NIPBL: variants seen among roughly 807,000 people sequenced by gnomAD.
NIPBL encodes the protein NIPBL cohesin loading factor.
A neutral mutation model predicts 321.8 loss-of-function variants in NIPBL; 19 were observed. The observed-to-expected ratio is 0.06, with a 90% confidence interval of 0.04 to 0.09. NIPBL has a LOEUF of 0.09. NIPBL is among the 10% of genes least tolerant of loss of function. The probability of loss-of-function intolerance (pLI) is 1.00; values close to 1 mark genes in which losing one functional copy is unlikely to be tolerated. For synonymous variants in NIPBL, 1,106 were observed against 1,114.1 expected (o/e 0.99, Z 0.14); for missense variants, 2,210 against 3,327.0 (o/e 0.66, Z 8.26).
intron 15 of NIPBL, 115 bp from the exon 16 acceptor site, chr5:37,003,146 G>A (rs1018912631): frequency 2.9e-6 from 2 of 690,214 alleles, no homozygotes; most frequent in African/African-American, 3.6e-5. Flanking sequence ...TACTCTTTAA[G>A]AGGGTGACAA....
At chr5:36,880,784 G>C (rs1389489385) in intron 1 of NIPBL, among the ~76,000 whole-genome samples, 4 of 151,936 alleles carry the variant, frequency 2.6e-5, no homozygotes, top group Non-Finnish European at 1.5e-5. Flanking sequence ...TTTAAAACTA[G>C]TCCTTTTTCA....
intron 4 of NIPBL, among the ~76,000 whole-genome samples, chr5:36,959,193 C>T (rs777865284): frequency 6.6e-6 from 1 of 152,080 alleles, no homozygotes; most frequent in African/African-American, 2.4e-5. Flanking sequence ...GGCGACAGAG[C>T]GAGACCCTGT....
intron 45 of NIPBL, among the ~76,000 whole-genome samples, chr5:37,062,856 G>C (rs1754902733): frequency 6.6e-6 from 1 of 151,840 alleles, no homozygotes; most frequent in Non-Finnish European, 1.5e-5. Context: ...GGAGGTGGAG[G>C]CTACAGTGAG....
At position 37,048,488 on chromosome 5, in the gene NIPBL, C is replaced by T. The variant is rs779228917; in HGVS notation, c.6590-14C>T. 4.1e-6 allele frequency: 6 copies of T among 1,479,926 alleles called. No homozygotes were observed. Among genetic ancestry groups the T allele is most frequent in the South Asian group, 2.8e-5 (2 of 72,292 alleles). 91.7% of individuals were successfully genotyped at this position (1,479,926 alleles called of 1,614,324 possible). A position where few individuals can be genotyped will look rare whatever the true frequency, so the allele number is the denominator to read the frequency against. On this transcript the variant is annotated splice_polypyrimidine_tract_variant and intron_variant, in intron 38 of 46. Coordinates refer to ENST00000282516, the MANE Select transcript of NIPBL (RefSeq NM_133433.4). ...AATATGAATATATGATGAGATTTTT[C>T]CCCTCTCCCATAGGATTTGCCTTTA...
intron 1 of NIPBL, among the ~76,000 whole-genome samples, chr5:36,925,977 T>A (rs954708285): frequency 6.6e-6 from 1 of 152,234 alleles, no homozygotes. Context: ...TATTTTCTTC[T>A]CATTTTCGTA....
chr5:37,045,221 G>A (rs904032626), intron 36 of NIPBL, among the ~76,000 whole-genome samples: 3 of 151,996 alleles, frequency 2.0e-5, no homozygotes, highest in Admixed American at 6.6e-5. Context: ...AGGCGTGGTG[G>A]CACACGACTG....
At chr5:36,946,141 A>G (rs1215118349) in intron 1 of NIPBL, among the ~76,000 whole-genome samples, 4 of 151,994 alleles carry the variant, frequency 2.6e-5, no homozygotes, top group African/African-American at 9.7e-5. Context: ...GAACCTTTTC[A>G]TTCTCCCCCC....
Position 37,046,169 on chromosome 5 carries a change from G to C in NIPBL, c.6559G>C (p.Glu2187Gln). 6.3e-7 allele frequency: 1 copy of C among 1,580,900 alleles called. No individual in the cohort carries two copies. Residue 2187 changes from glutamate to glutamine, a missense_variant, in exon 38 of 47, where the codon GAA (glutamate) becomes CAA (glutamine). Physicochemically the swap from Glu to Gln is conservative, Grantham distance 29 (BLOSUM62 2). Transcript: ENST00000282516. ...LMYFTKHSDEEVQTKAIIGLG... is the reference protein window; with the variant it reads ...LMYFTKHSDEQVQTKAIIGLG... ...GTATTTTACAAAACACTCAGATGAA[G>C]AAGTACAAACAAAAGCTATCATTGG...
chr5:36,892,681 T>G (rs552630947), intron 1 of NIPBL, among the ~76,000 whole-genome samples: 2 of 151,800 alleles, frequency 1.3e-5, no homozygotes, highest in Admixed American at 6.6e-5. Context: ...AGGGAACTAT[T>G]GCAAGGACAA....
chr5:37,036,335 G>GTATATATATATGTATATATATA (rs770311585), intron 32 of NIPBL, 44 bp from the exon 33 acceptor site: 15 of 456,966 alleles, frequency 3.3e-5, no homozygotes, highest in Admixed American at 1.2e-4. Context: ...TTTCTTTTTT[G>GTATATATATATGTATATATATA]TATATATATA....
rs752391534 is a variant in NIPBL at position 37,058,903 on chromosome 5, G to A, written c.7423G>A (p.Asp2475Asn). 1.9e-6 allele frequency: 3 copies of A among 1,613,910 alleles called. No homozygotes were observed. The highest frequency in any genetic ancestry group is 2.5e-6 in the Non-Finnish European group (3 of 1,179,972). Reference sequence around the variant, plus strand: ...TTTTTTCTTTCAGTCTATGGTAAAGGACAAAAGGAAAGAGAGAAAATCATC... The same window carrying A: ...TTTTTTCTTTCAGTCTATGGTAAAGAACAAAAGGAAAGAGAGAAAATCATC... ...LQSFKESMVK[D>N]KRKERKSSPS... The change falls in exon 44 of 47, where the codon GAC becomes AAC. Residue 2475 changes from aspartate to asparagine, a missense_variant. By Grantham distance (23) the Asp-to-Asn change is conservative. Transcript: ENST00000282516.
At chr5:36,992,710 T>TTTTATTTA (rs70976270) in intron 10 of NIPBL, among the ~76,000 whole-genome samples, 8,581 of 137,642 alleles carry the variant, frequency 0.062, 341 homozygotes, top group African/African-American at 0.071. Context: ...AAGTCATGCA[T>TTTTATTTA]TTTATTTATT....
At chr5:36,906,509 C>T (rs774698782) in intron 1 of NIPBL, among the ~76,000 whole-genome samples, 4 of 152,120 alleles carry the variant, frequency 2.6e-5, no homozygotes, top group African/African-American at 9.7e-5. Context: ...TATCAAACTA[C>T]TAATGTCTTT....
chr5:36,916,617 A>G (rs1049125941), intron 1 of NIPBL, among the ~76,000 whole-genome samples: 1 of 152,118 alleles, frequency 6.6e-6, no homozygotes, highest in African/African-American at 2.4e-5. Flanking sequence ...CGTCATTTAC[A>G]TTAGGTATAT....
rs114439828 is a variant in NIPBL, at chr5:37,016,524, A to C, written c.4776+354A>C. On this transcript the variant is annotated intron_variant, in intron 23 of 46. Transcript: ENST00000282516. ...CCTTATCATCTTTAAGAGTATTTCT[A>C]CAAATGTATGGCATTTTGTAGTCGT... is the stretch of plus-strand genomic sequence containing the variant. 1.9e-3 allele frequency among the ~76,000 whole-genome samples: 293 copies of C among 152,288 alleles called. 6 individuals are homozygous for C. The highest frequency in any genetic ancestry group is 6.8e-3 in the African/African-American group (284 of 41,560).
rs1479401734 is a variant in NIPBL, at chr5:36,994,002, T to C, written c.3122-1620T>C. On this transcript the variant is annotated intron_variant, in intron 10 of 46. Transcript: ENST00000282516. Reference sequence around the variant, plus strand: ...CATGATTTTCCATCAAAAAGACACATATTAAAGTAGAGATATTCAAAGACT... The same window carrying C: ...CATGATTTTCCATCAAAAAGACACACATTAAAGTAGAGATATTCAAAGACT... 2.6e-5 allele frequency among the ~76,000 whole-genome samples: 4 copies of C among 152,150 alleles called. No homozygotes were observed. In the East Asian group the frequency reaches 7.7e-4, roughly 29 times the overall value.
chr5:36,952,059 CGCGCGCGCGCGCGCATGTGTGT>C (rs1740410026), intron 1 of NIPBL, among the ~76,000 whole-genome samples: 1 of 74,494 alleles, frequency 1.3e-5, no homozygotes, highest in Admixed American at 1.2e-4. Flanking sequence ...TGTGTGCGCG[CGCGCGCGCGCGCGCATGTGTGT>C]GTGTAGCAGT....
intron 6 of NIPBL, 72 bp downstream of exon 6, chr5:36,962,346 A>G (rs1488788725): frequency 2.6e-6 from 4 of 1,515,224 alleles, no homozygotes; most frequent in East Asian, 2.3e-5. Context: ...GTTTTTTAAA[A>G]TATAATTATT....
chr5:36,962,606 A>C (rs1741754105), intron 6 of NIPBL, among the ~76,000 whole-genome samples: 1 of 152,186 alleles, frequency 6.6e-6, no homozygotes, highest in South Asian at 2.1e-4. Flanking sequence ...CCAAGGGACA[A>C]TTACATTTTA....
Sources: gnomAD v4.1 joint callset for allele counts (sites outside exome capture counted in the v4.1 genomes callset) on GRCh38, gnomAD v4.1.1 for gene constraint, MANE v1.5 for transcripts, NCBI Gene and HGNC (gene_info 2026-07-23, HGNC 2026-07-21) for gene names.